Variants in PDE5A observed in about 807,000 individuals in gnomAD.
PDE5A encodes the protein phosphodiesterase 5A.
Under a neutral mutation model 110.2 loss-of-function variants are expected in PDE5A, and 67 were observed. The ratio of observed to expected loss-of-function variants is 0.61; its 90% confidence interval spans 0.50 to 0.75. The LOEUF (loss-of-function observed/expected upper bound fraction) is 0.75, where lower values mean the gene tolerates loss of function less well. Ranked by LOEUF, PDE5A falls within the 30% of genes least tolerant of loss-of-function variation. The pLI, the probability that PDE5A is intolerant of heterozygous loss-of-function variation, is 0.00. For missense variants in PDE5A, 862 were observed against 1,045.1 expected, an observed-to-expected ratio of 0.82 and a Z score of 2.42; for synonymous variants, 328 against 351.2, an observed-to-expected ratio of 0.93 and a Z score of 0.74.
Position 119,628,610 on chromosome 4 carries a change from T to C in PDE5A, c.62A>G (p.Lys21Arg), listed in dbSNP as rs1177833379. Residue 21 changes from lysine to arginine, a missense_variant, in exon 1 of 21, where the codon AAG (lysine) becomes AGG (arginine). Coordinates refer to ENST00000354960, the MANE Select transcript of PDE5A (RefSeq NM_001083.4). ...CGAGTCCTGATCCCTCTGCTGCTGC[T>C]TCTGCTGCTGGGGCTGCTGCTGCTG... ...QRQQQQPQQQ[K>R]QQQRDQDSVE... is the part of the protein sequence containing the mutation. 1 of 1,614,008 alleles carries C rather than the reference T, an allele frequency of 6.2e-7. No homozygotes were observed. Among genetic ancestry groups the C allele is most frequent in the Non-Finnish European group, 8.5e-7 (1 of 1,179,942 alleles).
intron 3 of PDE5A, among the ~76,000 whole-genome samples, chr4:119,576,515 A>G (rs1728353624): frequency 6.6e-6 from 1 of 152,236 alleles, no homozygotes; most frequent in Non-Finnish European, 1.5e-5. Flanking sequence ...ATCAAACTAG[A>G]ACTCAGGATT....
intron 3 of PDE5A, among the ~76,000 whole-genome samples, chr4:119,585,982 T>C (rs187188650): frequency 7.7e-4 from 117 of 152,278 alleles, no homozygotes; most frequent in African/African-American, 2.7e-3. Context: ...GCATAAGTCA[T>C]GCAGCCCCTG....
At chr4:119,502,382 C>A in intron 19 of PDE5A, 199 bp downstream of exon 19, 6 of 430,750 alleles carry the variant, frequency 1.4e-5, no homozygotes, top group South Asian at 4.0e-5. Flanking sequence ...TATGATGAAC[C>A]CAAGAGTCTT....
At chr4:119,572,311 T>C (rs1023311920) in intron 3 of PDE5A, among the ~76,000 whole-genome samples, 2 of 152,248 alleles carry the variant, frequency 1.3e-5, no homozygotes, top group South Asian at 2.1e-4. Flanking sequence ...ATAGTATGTG[T>C]TGTTGATGAT....
At chr4:119,510,848 C>T (rs192552213) in intron 15 of PDE5A, among the ~76,000 whole-genome samples, 199 bp downstream of exon 15, 4 of 152,230 alleles carry the variant, frequency 2.6e-5, no homozygotes, top group African/African-American at 9.6e-5. Context: ...CCTTATTGGG[C>T]AACATGTAGA....
chr4:119,538,973 A>T lies in PDE5A; in HGVS notation c.1619T>A (p.Leu540Gln). Residue 540 changes from leucine to glutamine, a missense_variant, in exon 11 of 21, where the codon CTA becomes CAA. By Grantham distance (113) the Leu-to-Gln change is moderately radical. Transcript: ENST00000354960. ...GAGGATAATTACCGCTAACGACTGT[A>T]GCTCTCTTGTTTCTTCCTCTGCTGC... is the stretch of plus-strand genomic sequence containing the variant. ...ASAAEEETRE[L>Q]QSLAAAVVPS... 1.2e-6 allele frequency: 2 copies of T among 1,612,334 alleles called. No homozygotes were observed. The highest frequency in any genetic ancestry group is 1.7e-6 in the Non-Finnish European group (2 of 1,178,554).
intron 16 of PDE5A, among the ~76,000 whole-genome samples, chr4:119,506,773 T>A (rs1725568148): frequency 6.6e-6 from 1 of 151,952 alleles, no homozygotes; most frequent in South Asian, 2.1e-4. Context: ...CAAAATGCTC[T>A]AAAAACCAAT....
At chr4:119,578,552 A>AG in intron 3 of PDE5A, among the ~76,000 whole-genome samples, 1 of 152,236 alleles carries the variant, frequency 6.6e-6, no homozygotes, top group East Asian at 1.9e-4. Context: ...CAACCATCTG[A>AG]TCTTTGACAA....
intron 14 of PDE5A, chr4:119,512,439 G>A (rs565241564): frequency 2.6e-5 from 4 of 152,292 alleles, no homozygotes; most frequent in Middle Eastern, 6.8e-3. Context: ...TCTGAAAAAG[G>A]ATGAACTTAC....
In PDE5A at chr4:119,627,063, C is replaced by G. The variant is rs372084925; in HGVS notation, c.152+1457G>C. On this transcript the variant is annotated intron_variant, in intron 1 of 20. Coordinates refer to ENST00000354960, the MANE Select transcript of PDE5A (RefSeq NM_001083.4). The surrounding 1 kb of genome is among the most constrained non-coding windows in gnomAD (Gnocchi z 4.6). ...CAATGATACATCGTCCCACTGGTGCCACCGGGGCGCCACCACCCAGCACCC... is the reference window on the plus strand; with the variant it reads ...CAATGATACATCGTCCCACTGGTGCGACCGGGGCGCCACCACCCAGCACCC... 7 of 1,488,554 alleles carry G rather than the reference C, an allele frequency of 4.7e-6. No individual in the cohort carries two copies. In the African/African-American group the frequency reaches 9.7e-5, roughly 21 times the overall value. The allele number at this position is 1,488,554 out of a possible 1,614,324, so 92.2% of individuals were successfully genotyped here.
At chr4:119,508,724 T>G (rs1008909347) in intron 15 of PDE5A, among the ~76,000 whole-genome samples, 2 of 139,848 alleles carry the variant, frequency 1.4e-5, no homozygotes, top group Admixed American at 1.4e-4. Flanking sequence ...AAATACCTTC[T>G]GATACTTACT....
chr4:119,554,671 G>T (rs1485978667), intron 7 of PDE5A, among the ~76,000 whole-genome samples: 17 of 151,778 alleles, frequency 1.1e-4, no homozygotes, highest in Admixed American at 1.1e-3. Flanking sequence ...AATACAGTTG[G>T]CCCTCTGTAC....
chr4:119,625,232 C>T (rs1367752342), intron 1 of PDE5A, among the ~76,000 whole-genome samples: 2 of 152,146 alleles, frequency 1.3e-5, no homozygotes, highest in Non-Finnish European at 2.9e-5. Flanking sequence ...CTCCTGACGT[C>T]GTGATCTGCC....
chr4:119,604,790 T>C (rs1455465433), intron 2 of PDE5A, among the ~76,000 whole-genome samples: 8 of 152,108 alleles, frequency 5.3e-5, no homozygotes, highest in Admixed American at 4.6e-4. Flanking sequence ...TTCACTTGCA[T>C]CTCCTGTTAG....
chr4:119,507,548 T>G, intron 16 of PDE5A, 56 bp downstream of exon 16: 2 of 1,172,948 alleles, frequency 1.7e-6, no homozygotes, highest in Non-Finnish European at 2.5e-6. Flanking sequence ...GTCAAAAGTT[T>G]GAAACAATGA....
In PDE5A at chr4:119,502,578, T is replaced by TA. The variant is rs767460901; in HGVS notation, c.2406+2dup. 3 of 1,564,926 alleles carry TA rather than the reference T, an allele frequency of 1.9e-6. No individual in the cohort carries two copies. Among genetic ancestry groups the TA allele is most frequent in the Non-Finnish European group, 2.6e-6 (3 of 1,140,672 alleles). On this transcript the variant is annotated splice_region_variant and intron_variant, in intron 19 of 20. Transcript: ENST00000354960. ...ATTCCTACCAACAAGGTTTCATACT[T>TA]ACAGTGGGTTCTATGTTGAGTTCTT...
intron 3 of PDE5A, among the ~76,000 whole-genome samples, chr4:119,594,654 C>T (rs1729093498): frequency 6.6e-6 from 1 of 152,198 alleles, no homozygotes; most frequent in African/African-American, 2.4e-5. Flanking sequence ...TATTCATTCA[C>T]ATACTTAGTT....
Position 119,627,146 on chromosome 4 carries a change from G to A in PDE5A, c.152+1374C>T, listed in dbSNP as rs753062270. 3 of 1,612,914 alleles carry A rather than the reference G, an allele frequency of 1.9e-6. No individual in the cohort carries two copies. Among genetic ancestry groups the A allele is most frequent in the Admixed American group, 1.7e-5 (1 of 59,908 alleles). On this transcript the variant is annotated intron_variant, in intron 1 of 20. Transcript: ENST00000354960. This position sits in a 1 kb window ranked among gnomAD's most constrained non-coding sequence, Gnocchi z 4.6. ...GGGACGTAGGGGGATGCTGAAGGAA[G>A]TACCTTGTTTTGTCTCCAAAGGGCA...
At chr4:119,522,334 T>C (rs10019674) in intron 12 of PDE5A, among the ~76,000 whole-genome samples, 37,377 of 151,892 alleles carry the variant, frequency 0.25, 4,950 homozygotes, top group East Asian at 0.38. Flanking sequence ...CATTTTTTCA[T>C]ATCTGAATAG....
Sources: allele counts gnomAD v4.1 joint callset (sites outside exome capture counted in the v4.1 genomes callset), GRCh38; gene constraint gnomAD v4.1.1; non-coding constraint Gnocchi (gnomAD v3.1); transcripts MANE v1.5; gene names NCBI Gene and HGNC (gene_info 2026-07-23, HGNC 2026-07-21).